Variants in ASB17 observed in about 807,000 individuals in gnomAD.
The protein encoded by ASB17 is ankyrin repeat and SOCS box protein 17.
ASB17 carries 26 observed loss-of-function variants against 25.7 expected under a neutral mutation model. That is an observed-to-expected ratio of 1.01 (90% CI 0.74 to 1.40). The LOEUF is 1.40. Among genes scored for constraint, ASB17 ranks in the 40% most tolerant of loss-of-function variants. The pLI is 0.00. For missense variants in ASB17, 326 were observed against 338.5 expected, an observed-to-expected ratio of 0.96 and a Z score of 0.29; for synonymous variants, 128 against 121.4, an observed-to-expected ratio of 1.05 and a Z score of -0.36.
chr1:75,922,708 C>T (rs1016188644), intron 1 of ASB17, among the ~76,000 whole-genome samples: 1 of 151,834 alleles, frequency 6.6e-6, no homozygotes, highest in East Asian at 1.9e-4. Context: ...GTTGGTCAGT[C>T]TAGTCTCAAA....
intron 1 of ASB17, 129 bp from the exon 2 acceptor site, chr1:75,922,488 C>CTTTTTATTTTTTTTT (rs1653057945): frequency 8.5e-6 from 1 of 118,088 alleles, no homozygotes; most frequent in African/African-American, 4.8e-5. Flanking sequence ...TTATATGTTT[C>CTTTTTATTTTTTTTT]TTTTTTTTTT....
In ASB17 at chr1:75,919,228, T is replaced by C; in HGVS notation, c.682-70A>G. On this transcript the variant is annotated intron_variant, in intron 2 of 2. Transcript: ENST00000284142. ...TGGATTAGTCCAAATTATTAAAACT[T>C]ATTTTTAATTTAAATTTAGAAAATA... 5 of 1,051,352 alleles carry C rather than the reference T, an allele frequency of 4.8e-6. No individual in the cohort carries two copies. In the South Asian group the frequency reaches 5.3e-5, roughly 11 times the overall value. 65.1% of individuals were successfully genotyped at this position (1,051,352 alleles called of 1,614,324 possible).
At chr1:75,922,488 CTTTTTTT>C (rs3037164) in intron 1 of ASB17, 129 bp from the exon 2 acceptor site, 638 of 122,152 alleles carry the variant, frequency 5.2e-3, no homozygotes, top group Middle Eastern at 0.021. Flanking sequence ...TTATATGTTT[CTTTTTTT>C]TTTTTTTTTT....
At chr1:75,927,616 A>G (rs1322332280) in intron 1 of ASB17, among the ~76,000 whole-genome samples, 1 of 152,142 alleles carries the variant, frequency 6.6e-6, no homozygotes, top group Non-Finnish European at 1.5e-5. Context: ...TATGCATGCT[A>G]TGCAAATTCA....
At chr1:75,921,204 CAA>C (rs57590243) in intron 2 of ASB17, among the ~76,000 whole-genome samples, 1 of 150,958 alleles carries the variant, frequency 6.6e-6, no homozygotes, top group Non-Finnish European at 1.5e-5. Flanking sequence ...TCTGAAAATG[CAA>C]AAAAAAAATT....
chr1:75,926,511 G>C (rs1437566412), intron 1 of ASB17, among the ~76,000 whole-genome samples: 1 of 152,206 alleles, frequency 6.6e-6, no homozygotes, highest in Non-Finnish European at 1.5e-5. Context: ...GCTGAAAAGA[G>C]GACAGAGGTA....
intron 2 of ASB17, among the ~76,000 whole-genome samples, chr1:75,920,620 A>G (rs11161887): frequency 0.54 from 81,998 of 152,030 alleles, 23,111 homozygotes; most frequent in East Asian, 0.72. Flanking sequence ...AGTGTTCTTT[A>G]AGCAGTTTTA....
At chr1:75,931,753 C>T (rs1653326224) in intron 1 of ASB17, 138 bp downstream of exon 1, 1 of 636,694 alleles carries the variant, frequency 1.6e-6, no homozygotes, top group South Asian at 2.9e-5. Context: ...AAGGAGTGAA[C>T]ACGTGGTCAA....
At chr1:75,919,296 T>G in intron 2 of ASB17, 138 bp from the exon 3 acceptor site, 1 of 646,330 alleles carries the variant, frequency 1.5e-6, no homozygotes, top group Non-Finnish European at 2.5e-6. Context: ...TTCCAAAGCA[T>G]TTTTACTTGA....
intron 1 of ASB17, among the ~76,000 whole-genome samples, chr1:75,925,117 C>T (rs780822158): frequency 1.4e-4 from 21 of 152,056 alleles, no homozygotes; most frequent in Admixed American, 3.3e-4. Context: ...GCCCATATTA[C>T]GCACTCAAAT....
At chr1:75,929,391 A>AT (rs34917597) in intron 1 of ASB17, among the ~76,000 whole-genome samples, 5,307 of 145,952 alleles carry the variant, frequency 0.036, 193 homozygotes, top group African/African-American at 0.1. Context: ...CGCCCAGCTA[A>AT]TTTTTTTTTT....
chr1:75,927,973 T>G (rs1299703673), intron 1 of ASB17, among the ~76,000 whole-genome samples: 1 of 152,210 alleles, frequency 6.6e-6, no homozygotes, highest in Non-Finnish European at 1.5e-5. Context: ...CTGCTTGTAG[T>G]CATTGGATAC....
intron 2 of ASB17, 64 bp from the exon 3 acceptor site, chr1:75,919,222 A>G (rs1652963311): frequency 1.8e-6 from 2 of 1,094,532 alleles, no homozygotes; most frequent in South Asian, 1.7e-5. Flanking sequence ...CCAAATTATT[A>G]AAACTTATTT....
chr1:75,923,013 A>G (rs2100609939), intron 1 of ASB17, among the ~76,000 whole-genome samples: 1 of 152,362 alleles, frequency 6.6e-6, no homozygotes, highest in South Asian at 2.1e-4. Context: ...AGCTCTGGAA[A>G]TAATAAAATG....
chr1:75,920,566 G>A (rs1470292660), intron 2 of ASB17, among the ~76,000 whole-genome samples: 2 of 152,204 alleles, frequency 1.3e-5, no homozygotes, highest in African/African-American at 4.8e-5. Context: ...CTGCGATAGG[G>A]AAAACTACTG....
At chr1:75,923,302 C>G (rs1157334898) in intron 1 of ASB17, among the ~76,000 whole-genome samples, 5 of 152,114 alleles carry the variant, frequency 3.3e-5, no homozygotes, top group Non-Finnish European at 7.4e-5. Flanking sequence ...ATTTTGAAAT[C>G]TAGGGAAATC....
chr1:75,930,371 T>C (rs1653292589), intron 1 of ASB17, among the ~76,000 whole-genome samples: 1 of 147,444 alleles, frequency 6.8e-6, no homozygotes, highest in Admixed American at 6.8e-5. Context: ...AATATATATA[T>C]ATATATAACA....
At chr1:75,930,311 T>C (rs1653289920) in intron 1 of ASB17, among the ~76,000 whole-genome samples, 1 of 147,214 alleles carries the variant, frequency 6.8e-6, no homozygotes, top group Non-Finnish European at 1.5e-5. Context: ...ATATATAACA[T>C]GTATATATAT....
chr1:75,929,058 A>G (rs1653248662), intron 1 of ASB17, among the ~76,000 whole-genome samples: 1 of 152,136 alleles, frequency 6.6e-6, no homozygotes, highest in South Asian at 2.1e-4. Flanking sequence ...AGGGAACAGT[A>G]TTATGAGGCC....
Sources: allele counts gnomAD v4.1 joint callset (sites outside exome capture counted in the v4.1 genomes callset), GRCh38; gene constraint gnomAD v4.1.1; transcripts MANE v1.5; gene names NCBI Gene and HGNC (gene_info 2026-07-23, HGNC 2026-07-21).